Variants in PRPF6 observed in about 807,000 individuals in gnomAD.
The protein encoded by PRPF6 is pre-mRNA-processing factor 6.
A neutral mutation model predicts 118.3 loss-of-function variants in PRPF6; 42 were observed. The ratio of observed to expected loss-of-function variants is 0.35; its 90% CI spans 0.28 to 0.46. The LOEUF is 0.46. Ranked by LOEUF, PRPF6 falls within the 20% of genes least tolerant of loss-of-function variation. The pLI, the probability that PRPF6 is intolerant of heterozygous loss-of-function variation, is 1.00. For synonymous variants in PRPF6, 481 were observed against 485.1 expected (o/e 0.99, Z 0.11); for missense variants, 662 against 1,255.7 (o/e 0.53, Z 7.15).
chr20:63,993,915 A>T (rs1476583207), intron 4 of PRPF6, among the ~76,000 whole-genome samples: 1 of 151,444 alleles, frequency 6.6e-6, no homozygotes, highest in Admixed American at 6.6e-5. Flanking sequence ...ATACCCAGCT[A>T]ATTTTTGTAT....
At chr20:64,006,306 G>A (rs1043768081) in intron 9 of PRPF6, among the ~76,000 whole-genome samples, 4 of 136,212 alleles carry the variant, frequency 2.9e-5, no homozygotes, top group African/African-American at 8.2e-5. Context: ...GGAGTAGCTC[G>A]TAGCTTGCTC....
Position 64,028,517 on chromosome 20 carries a change from G to A in PRPF6, c.2379G>A (p.Lys793=). 1 of 1,613,912 alleles carries A rather than the reference G, an allele frequency of 6.2e-7. No homozygotes were observed. Among genetic ancestry groups the A allele is most frequent in the Non-Finnish European group, 8.5e-7 (1 of 1,180,026 alleles). ...GGCTGGAGTACCGTGCGGGGCTGAA[G>A]AACATCGCAAATACACTCATGGCCA... ...SVRLEYRAGL[K]NIANTLMAKA... Residue 793 remains lysine, a synonymous_variant, in exon 18 of 21, where the codon AAG becomes AAA. Transcript: ENST00000266079. This position sits in a 1 kb window ranked among gnomAD's most constrained non-coding sequence, Gnocchi z 6.5.
intron 9 of PRPF6, 135 bp downstream of exon 9, chr20:64,001,374 G>A: frequency 9.2e-7 from 1 of 1,090,644 alleles, no homozygotes; most frequent in Admixed American, 2.1e-5. Context: ...TTCTCAGGCT[G>A]GGTTGCCTCT....
chr20:64,025,864 G>A, intron 14 of PRPF6, 75 bp from the exon 15 acceptor site: 2 of 1,611,572 alleles, frequency 1.2e-6, no homozygotes, highest in Non-Finnish European at 1.7e-6. Flanking sequence ...CTGCCTGCCT[G>A]CTTTTGATTA....
intron 8 of PRPF6, among the ~76,000 whole-genome samples, chr20:64,000,602 T>C (rs563521907): frequency 1.6e-4 from 24 of 150,920 alleles, no homozygotes; most frequent in African/African-American, 5.6e-4. Flanking sequence ...TGAGTCTCGC[T>C]CTGTTGCCCA....
intron 11 of PRPF6, among the ~76,000 whole-genome samples, chr20:64,012,997 C>T (rs574536737): frequency 1.3e-5 from 2 of 149,800 alleles, no homozygotes; most frequent in South Asian, 4.2e-4. Context: ...CTTTCTGTCA[C>T]CCAGGCTAGA....
Position 64,032,866 on chromosome 20 carries a change from G to T in PRPF6, c.2699G>T (p.Arg900Leu), listed in dbSNP as rs527892521. Reference sequence around the variant, plus strand: ...GAGCAGCAGGAGGAGGTGAGGAAGCGCTGTGAGAGTGCAGAGCCTCGGCAT... The same window carrying T: ...GAGCAGCAGGAGGAGGTGAGGAAGCTCTGTGAGAGTGCAGAGCCTCGGCAT... ...TEEQQEEVRK[R>L]CESAEPRHGE... The change falls in exon 21 of 21, where the codon CGC becomes CTC. Residue 900 changes from arginine to leucine, a missense_variant. This residue lies in a region of PRPF6 where 244 missense variants were observed against 383.7 expected (regional missense o/e 0.64). Transcript: ENST00000266079. 1 of 1,611,922 alleles carries T rather than the reference G, an allele frequency of 6.2e-7. No individual in the cohort carries two copies. Among genetic ancestry groups the T allele is most frequent in the Non-Finnish European group, 8.5e-7 (1 of 1,179,532 alleles).
At chr20:63,986,160 G>A (rs2059092165) in intron 3 of PRPF6, among the ~76,000 whole-genome samples, 1 of 151,978 alleles carries the variant, frequency 6.6e-6, no homozygotes, top group South Asian at 2.1e-4. Context: ...GGCCAACCTA[G>A]TGAAACCCAG....
chr20:63,995,530 A>C, intron 6 of PRPF6, 48 bp downstream of exon 6: 1 of 1,610,554 alleles, frequency 6.2e-7, no homozygotes, highest in Non-Finnish European at 8.5e-7. Flanking sequence ...TAGACAGTTT[A>C]ATTTTGTTTT....
rs2059288792 is a variant in PRPF6 at position 64,026,072 on chromosome 20, G to A, written c.2028+14G>A. The A allele has an allele frequency of 6.2e-7, 1 of 1,600,806 alleles. No individual in the cohort carries two copies. The highest frequency in any genetic ancestry group is 8.5e-7 in the Non-Finnish European group (1 of 1,179,516). On this transcript the variant is annotated intron_variant, in intron 15 of 20. Transcript: ENST00000266079. The surrounding 1 kb of genome is among the most constrained non-coding windows in gnomAD (Gnocchi z 4.4). ...CCCACCGCCCGGGTACGCAGTGGCAGGCAGGGCTGGGCCGTCTGGGGTGCA... is the reference window on the plus strand; with the variant it reads ...CCCACCGCCCGGGTACGCAGTGGCAAGCAGGGCTGGGCCGTCTGGGGTGCA...
At chr20:64,015,724 G>A (rs1156372161) in intron 11 of PRPF6, among the ~76,000 whole-genome samples, 1 of 152,192 alleles carries the variant, frequency 6.6e-6, no homozygotes, top group Admixed American at 6.5e-5. Context: ...CTTCTTTGCA[G>A]TATAAGATTT....
chr20:64,019,911 G>A (rs1325247439), intron 12 of PRPF6, among the ~76,000 whole-genome samples: 2 of 152,314 alleles, frequency 1.3e-5, no homozygotes, highest in South Asian at 4.1e-4. Flanking sequence ...TCCTTAACTG[G>A]GAGGCTCACT....
intron 9 of PRPF6, among the ~76,000 whole-genome samples, chr20:64,008,872 T>G (rs1323459531): frequency 1.3e-5 from 2 of 152,254 alleles, no homozygotes; most frequent in East Asian, 3.8e-4. Context: ...GGTAATATTC[T>G]TAATATGCTT....
At chr20:63,991,721 C>T (rs1033730022) in intron 3 of PRPF6, among the ~76,000 whole-genome samples, 3 of 151,508 alleles carry the variant, frequency 2.0e-5, no homozygotes, top group Non-Finnish European at 4.4e-5. Context: ...ACCCAGGAGG[C>T]GGAGGTTGCA....
rs186578679 is a variant in PRPF6, at chr20:63,993,514, C to T, written c.438+29C>T. On this transcript the variant is annotated intron_variant, in intron 4 of 20. Coordinates refer to ENST00000266079, the MANE Select transcript of PRPF6 (RefSeq NM_012469.4). ...AGCCGATGAAGCGGTGAATGGTGTG[C>T]GGTTTCTAACGCTCTCACCCTAACC... is the stretch of plus-strand genomic sequence containing the variant. The T allele has an allele frequency of 1.1e-4, 170 of 1,562,920 alleles. No individual in the cohort carries two copies. In the African/African-American group the frequency reaches 1.7e-3, roughly 16 times the overall value.
intron 19 of PRPF6, among the ~76,000 whole-genome samples, chr20:64,030,357 C>T (rs1279634604): frequency 6.6e-6 from 1 of 152,192 alleles, no homozygotes; most frequent in Non-Finnish European, 1.5e-5. Context: ...TCCGGCTTCC[C>T]CTCCACCTGC....
intron 10 of PRPF6, 42 bp downstream of exon 10, chr20:64,010,360 C>T (rs1334739288): frequency 6.0e-6 from 9 of 1,495,908 alleles, no homozygotes; most frequent in Non-Finnish European, 8.3e-6. Context: ...CCAAAGTGGC[C>T]AAGGCCTGAG....
rs1263274955 is a variant in PRPF6 at position 64,028,436 on chromosome 20, T to C, written c.2340-42T>C. 9 of 1,599,952 alleles carry C rather than the reference T, an allele frequency of 5.6e-6. No homozygotes were observed. Among genetic ancestry groups the C allele is most frequent in the Non-Finnish European group, 7.7e-6 (9 of 1,167,844 alleles). On this transcript the variant is annotated intron_variant, in intron 17 of 20. Coordinates refer to ENST00000266079, the MANE Select transcript of PRPF6 (RefSeq NM_012469.4). The surrounding 1 kb of genome is among the most constrained non-coding windows in gnomAD (Gnocchi z 6.5). ...CCAGAAGCTACCAGAATATGTGCTG[T>C]TGGTAGACGGCTGTGGGACCTCCGG... is the stretch of plus-strand genomic sequence containing the variant.
intron 3 of PRPF6, among the ~76,000 whole-genome samples, chr20:63,991,332 G>A (rs1000139600): frequency 4.6e-5 from 7 of 151,932 alleles, no homozygotes; most frequent in African/African-American, 1.7e-4. Flanking sequence ...TGAGGCAGGA[G>A]CATCGCTTGA....
Sources: gnomAD v4.1 joint callset for allele counts (sites outside exome capture counted in the v4.1 genomes callset) on GRCh38, gnomAD v4.1.1 for gene constraint, gnomAD v4.1.1 regional missense constraint, Gnocchi (gnomAD v3.1) non-coding constraint, MANE v1.5 for transcripts, NCBI Gene and HGNC (gene_info 2026-07-23, HGNC 2026-07-21) for gene names.